CCDC169: variants seen among roughly 807,000 people sequenced by gnomAD.
The protein encoded by CCDC169 is coiled-coil domain containing 169.
CCDC169 carries 30 observed loss-of-function variants against 36.0 expected under a neutral mutation model. The observed-to-expected ratio is 0.83, with a 90% confidence interval of 0.62 to 1.13. The LOEUF (loss-of-function observed/expected upper bound fraction) is 1.13. Among genes scored for constraint, CCDC169 ranks in the 50% most tolerant of loss-of-function variants. The pLI, the probability that CCDC169 is intolerant of heterozygous loss-of-function variation, is 0.00. For synonymous variants in CCDC169, 85 were observed against 81.5 expected (o/e 1.04, Z -0.23); for missense variants, 245 against 245.9 (o/e 1.00, Z 0.03).
intron 4 of CCDC169, among the ~76,000 whole-genome samples, chr13:36,264,906 T>C (rs1875081863): frequency 6.6e-6 from 1 of 152,212 alleles, no homozygotes; most frequent in South Asian, 2.1e-4. Flanking sequence ...GAATGTTACA[T>C]GTGAGCTTGA....
At chr13:36,258,414 A>C (rs1035596249) in intron 4 of CCDC169, among the ~76,000 whole-genome samples, 1 of 152,160 alleles carries the variant, frequency 6.6e-6, no homozygotes, top group Admixed American at 6.5e-5. Context: ...CACAGGATGA[A>C]ATAGGAGGTT....
downstream of CCDC169, chr13:36,225,512 A>G (rs1364997179): frequency 6.6e-6 from 1 of 152,210 alleles, no homozygotes; most frequent in Non-Finnish European, 1.5e-5. Flanking sequence ...GCCCCTGGAA[A>G]CACCATTCTG....
chr13:36,243,951 T>C (rs1199821958), intron 7 of CCDC169, among the ~76,000 whole-genome samples: 1 of 152,220 alleles, frequency 6.6e-6, no homozygotes, highest in African/African-American at 2.4e-5. Flanking sequence ...CACACATATG[T>C]GTATGTGCTA....
downstream of CCDC169, chr13:36,226,992 C>A: frequency 2.3e-6 from 1 of 427,332 alleles, no homozygotes; most frequent in Non-Finnish European, 4.1e-6. Context: ...ATCCTTATCT[C>A]TCACTGTAAA....
intron 4 of CCDC169, among the ~76,000 whole-genome samples, chr13:36,264,717 G>C (rs1240664177): frequency 6.6e-6 from 1 of 152,134 alleles, no homozygotes; most frequent in Non-Finnish European, 1.5e-5. Context: ...AACCTGACTA[G>C]ATTCCTTGTC....
At chr13:36,291,095 G>T (rs1878824941) in intron 2 of CCDC169, among the ~76,000 whole-genome samples, 1 of 152,114 alleles carries the variant, frequency 6.6e-6, no homozygotes, top group South Asian at 2.1e-4. Context: ...ATGAGAAGTG[G>T]AGGGTTGGAC....
intron 4 of CCDC169, among the ~76,000 whole-genome samples, chr13:36,272,173 G>T (rs1323663412): frequency 6.6e-6 from 1 of 150,708 alleles, no homozygotes; most frequent in Non-Finnish European, 1.5e-5. Flanking sequence ...TGGGTGATGG[G>T]TGCACTAAAA....
chr13:36,258,031 C>T (rs1190984029), intron 4 of CCDC169, among the ~76,000 whole-genome samples: 2 of 152,220 alleles, frequency 1.3e-5, no homozygotes, highest in African/African-American at 2.4e-5. Context: ...GATGAGACCG[C>T]AGATCTGGCT....
At chr13:36,271,027 A>G (rs1383174845) in intron 4 of CCDC169, among the ~76,000 whole-genome samples, 1 of 152,188 alleles carries the variant, frequency 6.6e-6, no homozygotes, top group Non-Finnish European at 1.5e-5. Context: ...CACACATCTG[A>G]TAAAGAATCT....
At chr13:36,272,071 T>A (rs1411854397) in intron 4 of CCDC169, among the ~76,000 whole-genome samples, 2 of 142,164 alleles carry the variant, frequency 1.4e-5, no homozygotes, top group East Asian at 2.0e-4. Context: ...GGTGACAGAG[T>A]GAGGCTCCGT....
chr13:36,268,305 C>G (rs559542809), intron 4 of CCDC169, among the ~76,000 whole-genome samples: 1 of 152,216 alleles, frequency 6.6e-6, no homozygotes, highest in South Asian at 2.1e-4. Flanking sequence ...AACTAGAAAT[C>G]AACTCCAAAA....
chr13:36,252,788 A>G (rs1271499665), intron 6 of CCDC169, among the ~76,000 whole-genome samples: 1 of 152,178 alleles, frequency 6.6e-6, no homozygotes, highest in Non-Finnish European at 1.5e-5. Context: ...CATATATCCA[A>G]CTGCTCTTTG....
intron 7 of CCDC169, among the ~76,000 whole-genome samples, chr13:36,235,355 C>T (rs1027031261): frequency 6.6e-6 from 1 of 151,906 alleles, no homozygotes; most frequent in Admixed American, 6.6e-5. Context: ...TTTCTTCTTT[C>T]TGCTTATTTG....
At chr13:36,254,695 C>T (rs1287678002) in intron 4 of CCDC169, among the ~76,000 whole-genome samples, 1 of 152,044 alleles carries the variant, frequency 6.6e-6, no homozygotes, top group African/African-American at 2.4e-5. Context: ...ATTTGAAAAA[C>T]GGTATCGTAC....
chr13:36,295,061 A>G (rs1879315259), intron 2 of CCDC169, among the ~76,000 whole-genome samples: 1 of 152,164 alleles, frequency 6.6e-6, no homozygotes, highest in Admixed American at 6.5e-5. Context: ...TGATAATCCT[A>G]ATAAAGTCCT....
At chr13:36,260,368 CTT>C (rs1874465690) in intron 4 of CCDC169, among the ~76,000 whole-genome samples, 1 of 152,104 alleles carries the variant, frequency 6.6e-6, no homozygotes, top group Non-Finnish European at 1.5e-5. Context: ...TGAAAACTAA[CTT>C]AGAAATCTAC....
At chr13:36,227,236 TTGAGGACC>T, downstream of CCDC169, 1 of 1,550,678 alleles carries the variant, frequency 6.4e-7, no homozygotes, top group East Asian at 2.4e-5. Flanking sequence ...ACAGCCAAGG[TTGAGGACC>T]CATGTAAGCA....
At chr13:36,295,922 T>A (rs183932917) in intron 1 of CCDC169, 65 bp from the exon 2 acceptor site, 1 of 899,094 alleles carries the variant, frequency 1.1e-6, no homozygotes, top group Non-Finnish European at 1.7e-6. Context: ...AAATAATACA[T>A]AGTAACCCAC....
chr13:36,256,083 C>A (rs1873841581), intron 4 of CCDC169, among the ~76,000 whole-genome samples: 1 of 152,184 alleles, frequency 6.6e-6, no homozygotes, highest in Non-Finnish European at 1.5e-5. Flanking sequence ...CTTGCAATTT[C>A]TTGGCTGGGC....
Sources: allele counts gnomAD v4.1 joint callset (sites outside exome capture counted in the v4.1 genomes callset), GRCh38; gene constraint gnomAD v4.1.1; transcripts MANE v1.5; gene names NCBI Gene and HGNC (gene_info 2026-07-23, HGNC 2026-07-21).